The following RTN1 variants were observed in gnomAD, a reference collection of about 807,000 sequenced individuals.
RTN1 encodes reticulon 1.
In RTN1, 25 loss-of-function variants were observed where a neutral mutation model predicts 65.5. The observed-to-expected ratio is 0.38, with a 90% CI of 0.28 to 0.53. RTN1 has a LOEUF of 0.53. RTN1 is among the 20% of genes least tolerant of loss of function. RTN1 has a pLI of 0.79. For missense variants in RTN1, 983 were observed against 1,025.4 expected (o/e 0.96, Z 0.57); for synonymous variants, 471 against 447.6 (o/e 1.05, Z -0.66).
Position 59,603,866 on chromosome 14 carries a change from G to T in RTN1, c.2168C>A (p.Thr723Asn). ...TYVGALFNGLTLLLMAVVSMF... is the reference protein window; with the variant it reads ...TYVGALFNGLNLLLMAVVSMF... Reference sequence around the variant, plus strand: ...TCTGCTCTTACCCATGAGCAGCAGGGTCAGGCCATTGAAGAGAGCGCCAAC... The same window carrying T: ...TCTGCTCTTACCCATGAGCAGCAGGTTCAGGCCATTGAAGAGAGCGCCAAC... Residue 723 changes from threonine (T) to asparagine (N), a missense_variant, in exon 6 of 9, where the codon ACC (threonine) becomes AAC (asparagine). By Grantham distance (65) the Thr-to-Asn change is moderately conservative. Coordinates refer to ENST00000267484, the MANE Select transcript of RTN1 (RefSeq NM_021136.3). 3 of 1,611,570 alleles carry T rather than the reference G, an allele frequency of 1.9e-6. No homozygotes were observed. The highest frequency in any genetic ancestry group is 2.5e-6 in the Non-Finnish European group (3 of 1,178,164).
At chr14:59,743,610 G>A (rs1427132875) in intron 2 of RTN1, among the ~76,000 whole-genome samples, 3 of 152,176 alleles carry the variant, frequency 2.0e-5, no homozygotes, top group Non-Finnish European at 4.4e-5. Flanking sequence ...TTGGTTTTCT[G>A]ATTTGTCATT....
chr14:59,683,861 T>G (rs1883793336), intron 3 of RTN1, among the ~76,000 whole-genome samples: 1 of 152,126 alleles, frequency 6.6e-6, no homozygotes, highest in South Asian at 2.1e-4. Context: ...TTTTAGCTCT[T>G]GCCAACGCCA....
intron 3 of RTN1, among the ~76,000 whole-genome samples, chr14:59,717,209 C>G (rs1566696618): frequency 6.6e-6 from 1 of 152,160 alleles, no homozygotes; most frequent in Non-Finnish European, 1.5e-5. Flanking sequence ...TTTTGGGGCA[C>G]ATACTCTGCT....
In RTN1 at chr14:59,625,003, C is replaced by T. The variant is rs1882355359; in HGVS notation, c.1766-17511G>A. 2.0e-5 allele frequency among the ~76,000 whole-genome samples: 3 copies of T among 152,114 alleles called. No homozygotes were observed. The South Asian group carries it at 6.2e-4, about 32-fold the overall frequency. Reference sequence around the variant, plus strand: ...AAGGTAACTTAAAATATACCAATTACTTCACATTCTGTTCCAGAACATATT... The same window carrying T: ...AAGGTAACTTAAAATATACCAATTATTTCACATTCTGTTCCAGAACATATT... On this transcript the variant is annotated intron_variant, in intron 3 of 8. Coordinates refer to ENST00000267484, the MANE Select transcript of RTN1 (RefSeq NM_021136.3).
At chr14:59,811,695 T>C (rs1886732154) in intron 1 of RTN1, among the ~76,000 whole-genome samples, 2 of 152,222 alleles carry the variant, frequency 1.3e-5, no homozygotes, top group African/African-American at 2.4e-5. Context: ...TTAGTATAAG[T>C]TATACAATGT....
chr14:59,634,667 G>A (rs150910248), intron 3 of RTN1, among the ~76,000 whole-genome samples: 9 of 152,288 alleles, frequency 5.9e-5, no homozygotes, highest in Admixed American at 1.3e-4. Context: ...GGGAACTCGA[G>A]TCCAGAGGGG....
intron 3 of RTN1, among the ~76,000 whole-genome samples, chr14:59,614,953 G>A (rs1373868626): frequency 6.6e-6 from 1 of 152,188 alleles, no homozygotes; most frequent in Non-Finnish European, 1.5e-5. Flanking sequence ...ATTATAAGAA[G>A]GCATGGGAAT....
At chr14:59,789,673 A>T (rs1886313057) in intron 1 of RTN1, among the ~76,000 whole-genome samples, 1 of 152,106 alleles carries the variant, frequency 6.6e-6, no homozygotes, top group African/African-American at 2.4e-5. Flanking sequence ...AAAATTTATA[A>T]ATCCTGCAAT....
At chr14:59,670,540 A>G (rs182691174) in intron 3 of RTN1, among the ~76,000 whole-genome samples, 1 of 152,352 alleles carries the variant, frequency 6.6e-6, no homozygotes, top group African/African-American at 2.4e-5. Context: ...AAAGTCTTGA[A>G]GATGGCAACG....
At chr14:59,654,186 G>C (rs995013566) in intron 3 of RTN1, among the ~76,000 whole-genome samples, 6 of 152,272 alleles carry the variant, frequency 3.9e-5, no homozygotes, top group African/African-American at 1.4e-4. Flanking sequence ...AGTGCTTTGG[G>C]AGGCCAAGGC....
intron 1 of RTN1, among the ~76,000 whole-genome samples, chr14:59,814,617 TG>T: frequency 6.6e-6 from 1 of 152,362 alleles, no homozygotes; most frequent in Admixed American, 6.5e-5. Context: ...TGGTCATCTA[TG>T]GCTTCAACAA....
intron 3 of RTN1, among the ~76,000 whole-genome samples, chr14:59,678,594 G>A (rs774237848): frequency 3.3e-5 from 5 of 152,132 alleles, no homozygotes; most frequent in Non-Finnish European, 4.4e-5. Flanking sequence ...GAGGTCCAGC[G>A]TGGGCCACAG....
chr14:59,681,391 G>A (rs941521401), intron 3 of RTN1, among the ~76,000 whole-genome samples: 1 of 151,996 alleles, frequency 6.6e-6, no homozygotes, highest in Non-Finnish European at 1.5e-5. Flanking sequence ...CTTAAAAAAT[G>A]GTAATTTGAA....
intron 3 of RTN1, among the ~76,000 whole-genome samples, chr14:59,615,959 G>C (rs1171441063): frequency 6.6e-6 from 1 of 151,852 alleles, no homozygotes; most frequent in Non-Finnish European, 1.5e-5. Context: ...TGGTAACCTA[G>C]GATTCTATTT....
At position 59,727,114 on chromosome 14, in the gene RTN1, C is replaced by T. The variant is rs145742655; in HGVS notation, c.1570G>A (p.Asp524Asn). Residue 524 changes from aspartate (D) to asparagine (N), a missense_variant, in exon 3 of 9, where the codon GAC becomes AAC. Asp to Asn is a conservative substitution (Grantham distance 23). Around this residue, in one of 2 missense-constraint regions of RTN1, gnomAD observed 818 missense variants for 801.8 expected, o/e 1.02. Transcript: ENST00000267484. This position sits in a 1 kb window ranked among gnomAD's most constrained non-coding sequence, Gnocchi z 4.2. The part of the protein sequence containing the change: ...RGLAEPGSFL[D>N]YPSTEPQPGP... ...GGCTGGGGCTCAGTTGAGGGGTAGTCGAGGAAGGAACCCGGCTCGGCCAGG... is the reference window on the plus strand; with the variant it reads ...GGCTGGGGCTCAGTTGAGGGGTAGTTGAGGAAGGAACCCGGCTCGGCCAGG... 5 of 1,608,964 alleles carry T rather than the reference C, an allele frequency of 3.1e-6. No individual in the cohort carries two copies. The highest frequency in any genetic ancestry group is 1.3e-5 in the African/African-American group (1 of 74,792).
chr14:59,639,376 C>A (rs1170482016), intron 3 of RTN1, among the ~76,000 whole-genome samples: 1 of 152,164 alleles, frequency 6.6e-6, no homozygotes, highest in African/African-American at 2.4e-5. Context: ...AATAAACTTA[C>A]TCAATGCAGG....
rs1482340398 is a variant in RTN1 at position 59,819,409 on chromosome 14, CCACCACCCCCCCCCCACCCCCCA to C, written c.241+50958_241+50980del. The stretch of plus-strand genomic sequence containing the variant: ...AGAGCTGATTGGTGCATCCACACCA[CCACCACCCCCCCCCCACCCCCCA>C]CCCCCCCCCCCCGGCCACAGCTAGA... On this transcript the variant is annotated intron_variant, in intron 1 of 8. Transcript: ENST00000267484. Among the ~76,000 whole-genome samples the C allele has an allele frequency of 4.8e-4, 6 of 12,548 alleles. 1 individual carries two copies. Among genetic ancestry groups the C allele is most frequent in the East Asian group, 3.6e-3 (3 of 836 alleles). The allele number at this position is 12,548 out of a possible 152,430, so 8.2% of individuals were successfully genotyped here. A position where few individuals can be genotyped will look rare whatever the true frequency, so the allele number is the denominator to read the frequency against.
intron 2 of RTN1, among the ~76,000 whole-genome samples, chr14:59,740,600 G>A (rs1240718914): frequency 6.6e-6 from 1 of 152,188 alleles, no homozygotes; most frequent in Non-Finnish European, 1.5e-5. Flanking sequence ...CCAGACAGCT[G>A]CAGGGTCGGG....
chr14:59,641,283 C>A (rs1419563718), intron 3 of RTN1, among the ~76,000 whole-genome samples: 2 of 151,932 alleles, frequency 1.3e-5, no homozygotes, highest in African/African-American at 4.8e-5. Context: ...TCTTTTCTTG[C>A]CTTCTTTGAA....
Sources: gnomAD v4.1 joint callset for allele counts (sites outside exome capture counted in the v4.1 genomes callset) on GRCh38, gnomAD v4.1.1 for gene constraint, gnomAD v4.1.1 regional missense constraint, Gnocchi (gnomAD v3.1) non-coding constraint, MANE v1.5 for transcripts, NCBI Gene and HGNC (gene_info 2026-07-23, HGNC 2026-07-21) for gene names.